The following TMEM132D variants were observed in gnomAD, a reference collection of about 807,000 sequenced individuals.
TMEM132D encodes the protein transmembrane protein 132D.
In TMEM132D, 21 loss-of-function variants were observed where a neutral mutation model predicts 62.3. The observed-to-expected ratio is 0.34, with a 90% CI of 0.24 to 0.49. TMEM132D has a LOEUF of 0.49. TMEM132D is among the 20% of genes least tolerant of loss of function. The probability of loss-of-function intolerance (pLI) is 0.99; values close to 1 mark genes in which losing one functional copy is unlikely to be tolerated. For synonymous variants in TMEM132D, 621 were observed against 575.6 expected, an observed-to-expected ratio of 1.08 and a Z score of -1.13; for missense variants, 1,346 against 1,402.8, an observed-to-expected ratio of 0.96 and a Z score of 0.65.
intron 4 of TMEM132D, among the ~76,000 whole-genome samples, chr12:129,244,340 C>G (rs1447155333): frequency 2.1e-5 from 3 of 146,050 alleles, no homozygotes; most frequent in African/African-American, 7.6e-5. Flanking sequence ...GAGCCGAGAT[C>G]GCGCCACTGC....
chr12:129,876,143 G>A (rs1056707676), intron 1 of TMEM132D, among the ~76,000 whole-genome samples: 4 of 152,100 alleles, frequency 2.6e-5, no homozygotes, highest in African/African-American at 7.2e-5. Context: ...TAAGGAAATC[G>A]ACAGAAGGGA....
In TMEM132D at chr12:129,616,127, G is replaced by A. The variant is rs139884957; in HGVS notation, c.968+83683C>T. ...CCTTGTTTGGTGGGTAAATACAGAA[G>A]AGAGCCAAAATTATAGTTTCACTAT... On this transcript the variant is annotated intron_variant, in intron 2 of 8. Transcript: ENST00000422113. Among the ~76,000 whole-genome samples the A allele has an allele frequency of 6.1e-3, 933 of 152,334 alleles. 4 individuals are homozygous for A. The highest frequency in any genetic ancestry group is 9.6e-3 in the Non-Finnish European group (652 of 68,028).
intron 3 of TMEM132D, among the ~76,000 whole-genome samples, chr12:129,399,205 G>A (rs1201670999): frequency 7.4e-6 from 1 of 135,768 alleles, no homozygotes; most frequent in Non-Finnish European, 1.5e-5. Flanking sequence ...CCACTCCAGT[G>A]ATAACCAACC....
rs974115198 is a variant in TMEM132D, at chr12:129,698,402, G to A, written c.968+1408C>T. Among the ~76,000 whole-genome samples, 9 of 150,562 alleles carry A rather than the reference G, an allele frequency of 6.0e-5. No homozygotes were observed. The South Asian group carries it at 1.1e-3, about 18-fold the overall frequency. ...ATGTCCATTAGGTTCTGTTTCTTTA[G>A]TTAAAATAGGCATTTCTAATACTAG... On this transcript the variant is annotated intron_variant, in intron 2 of 8. Transcript: ENST00000422113.
At chr12:129,204,461 A>C (rs1371836214) in intron 5 of TMEM132D, among the ~76,000 whole-genome samples, 1 of 152,224 alleles carries the variant, frequency 6.6e-6, no homozygotes, top group Non-Finnish European at 1.5e-5. Flanking sequence ...TAATTCAGTC[A>C]AACAAAAATA....
At chr12:129,336,634 G>A (rs1263768413) in intron 4 of TMEM132D, among the ~76,000 whole-genome samples, 1 of 152,194 alleles carries the variant, frequency 6.6e-6, no homozygotes, top group African/African-American at 2.4e-5. Context: ...GATGGGAAAT[G>A]TTTCAGAGGC....
At chr12:129,398,560 TA>T (rs1048211045) in intron 3 of TMEM132D, among the ~76,000 whole-genome samples, 3 of 152,200 alleles carry the variant, frequency 2.0e-5, no homozygotes, top group African/African-American at 7.2e-5. Context: ...TTGGCCCAAA[TA>T]ATGTGGACAG....
At chr12:129,843,431 G>A (rs73160265) in intron 1 of TMEM132D, among the ~76,000 whole-genome samples, 5,017 of 152,134 alleles carry the variant, frequency 0.033, 118 homozygotes, top group Non-Finnish European at 0.054. Context: ...TAATTGCATC[G>A]AATCACAAGA....
intron 4 of TMEM132D, among the ~76,000 whole-genome samples, chr12:129,287,723 T>A (rs1388437913): frequency 3.6e-5 from 4 of 112,512 alleles, no homozygotes; most frequent in Non-Finnish European, 6.0e-5. Flanking sequence ...CCAGCAAAAC[T>A]TTCATGGTAT....
intron 1 of TMEM132D, among the ~76,000 whole-genome samples, chr12:129,781,997 A>G (rs1309118999): frequency 1.3e-5 from 2 of 152,198 alleles, no homozygotes; most frequent in Non-Finnish European, 2.9e-5. Context: ...TAACTCTTGG[A>G]AAAGAGGATG....
chr12:129,340,151 T>C (rs1265993068), intron 3 of TMEM132D, among the ~76,000 whole-genome samples: 1 of 152,206 alleles, frequency 6.6e-6, no homozygotes, highest in East Asian at 1.9e-4. Flanking sequence ...CTAATTTTAC[T>C]CTTCCTGTAA....
intron 3 of TMEM132D, among the ~76,000 whole-genome samples, chr12:129,431,799 T>C (rs1262258668): frequency 6.6e-6 from 1 of 152,344 alleles, no homozygotes; most frequent in African/African-American, 2.4e-5. Context: ...TCTTTGCCTA[T>C]GTCTTTGGTC....
chr12:129,429,644 T>C (rs975780292), intron 3 of TMEM132D, among the ~76,000 whole-genome samples: 27 of 151,702 alleles, frequency 1.8e-4, no homozygotes, highest in African/African-American at 6.3e-4. Context: ...GCAGGTTTGT[T>C]ACATATGTAT....
At chr12:129,760,392 C>T (rs1280833221) in intron 1 of TMEM132D, among the ~76,000 whole-genome samples, 4 of 134,570 alleles carry the variant, frequency 3.0e-5, no homozygotes, top group Admixed American at 8.5e-5. Context: ...AGTGCAGTGG[C>T]GCGATCTCGG....
At chr12:129,699,740 G>C in intron 2 of TMEM132D, 70 bp downstream of exon 2, 1 of 1,565,046 alleles carries the variant, frequency 6.4e-7, no homozygotes, top group East Asian at 2.2e-5. Flanking sequence ...AGCTTTTCTG[G>C]TCAAACAGCT....
chr12:129,788,754 C>T (rs1477020225), intron 1 of TMEM132D, among the ~76,000 whole-genome samples: 1 of 152,104 alleles, frequency 6.6e-6, no homozygotes, highest in Non-Finnish European at 1.5e-5. Flanking sequence ...AGACACTGGT[C>T]TCTGCTCTCG....
chr12:129,245,203 CACCTATCCAACCCTCCCTCCCCCAA>C (rs1880063180), intron 4 of TMEM132D, among the ~76,000 whole-genome samples: 1 of 152,108 alleles, frequency 6.6e-6, no homozygotes, highest in Admixed American at 6.5e-5. Flanking sequence ...ATTTGTGTTC[CACCTATCCAACCCTCCCTCCCCCAA>C]CTCCTAACAA....
Position 129,274,414 on chromosome 12 carries a change from A to G in TMEM132D, c.1299+63220T>C, listed in dbSNP as rs573154004. Among the ~76,000 whole-genome samples, 8 of 152,312 alleles carry G rather than the reference A, an allele frequency of 5.3e-5. No individual in the cohort carries two copies. The East Asian group carries it at 1.4e-3, about 26-fold the overall frequency. ...GTACAGGTCTTCTCTCCCCGATTCC[A>G]GCCATGGTTCTGAGTCTTTTACAGA... On this transcript the variant is annotated intron_variant, in intron 4 of 8. Transcript: ENST00000422113.
intron 3 of TMEM132D, among the ~76,000 whole-genome samples, chr12:129,490,019 T>A (rs1019215649): frequency 3.3e-5 from 5 of 152,194 alleles, no homozygotes; most frequent in Non-Finnish European, 7.3e-5. Flanking sequence ...GGAATTAGGG[T>A]GAGGGCGCTC....
Sources: allele counts gnomAD v4.1 joint callset (sites outside exome capture counted in the v4.1 genomes callset), GRCh38; gene constraint gnomAD v4.1.1; transcripts MANE v1.5; gene names NCBI Gene and HGNC (gene_info 2026-07-23, HGNC 2026-07-21).